TENM2: variants seen among roughly 807,000 people sequenced by gnomAD.
TENM2 encodes the protein teneurin-2.
TENM2 carries 52 observed loss-of-function variants against 245.2 expected under a neutral mutation model. The ratio of observed to expected loss-of-function variants is 0.21; its 90% confidence interval spans 0.17 to 0.27. TENM2 has a LOEUF of 0.27. Ranked by LOEUF, TENM2 falls within the 10% of genes least tolerant of loss-of-function variation. The pLI, the probability that TENM2 is intolerant of heterozygous loss-of-function variation, is 1.00. For synonymous variants in TENM2, 1,363 were observed against 1,438.9 expected (o/e 0.95, Z 1.19); for missense variants, 3,046 against 3,666.8 (o/e 0.83, Z 4.37).
chr5:167,337,009 G>C (rs1280776711), intron 1 of TENM2, among the ~76,000 whole-genome samples: 2 of 149,610 alleles, frequency 1.3e-5, no homozygotes, highest in South Asian at 4.2e-4. Flanking sequence ...CCCAGCTACT[G>C]GGGAGGCTGA....
chr5:167,405,784 A>ACACACACACACACACACG (rs1561929187), intron 2 of TENM2, among the ~76,000 whole-genome samples: 1 of 151,344 alleles, frequency 6.6e-6, no homozygotes, highest in Non-Finnish European at 1.5e-5. Context: ...ACACACACAC[A>ACACACACACACACACACG]CACACACACA....
At chr5:167,905,601 T>TA (rs1398342806) in intron 3 of TENM2, among the ~76,000 whole-genome samples, 3 of 152,204 alleles carry the variant, frequency 2.0e-5, no homozygotes, top group Admixed American at 2.0e-4. Flanking sequence ...TATAAGAATA[T>TA]ACCAGTGTGT....
At chr5:167,735,374 GA>G in intron 2 of TENM2, among the ~76,000 whole-genome samples, 1 of 152,200 alleles carries the variant, frequency 6.6e-6, no homozygotes, top group Non-Finnish European at 1.5e-5. Flanking sequence ...GTGAAAATCA[GA>G]AAGTTTGCTT....
chr5:168,182,048 C>T (rs1171950646), intron 13 of TENM2, among the ~76,000 whole-genome samples: 3 of 152,106 alleles, frequency 2.0e-5, no homozygotes, highest in African/African-American at 2.4e-5. Flanking sequence ...TGAGGAGCGA[C>T]GGTTCATCAG....
intron 1 of TENM2, among the ~76,000 whole-genome samples, chr5:167,366,038 G>C (rs1404770045): frequency 6.6e-6 from 1 of 151,854 alleles, no homozygotes; most frequent in African/African-American, 2.4e-5. Context: ...GGTAGAAATT[G>C]ATAAACTAAA....
At chr5:168,011,055 T>A (rs1240767623) in intron 5 of TENM2, among the ~76,000 whole-genome samples, 1 of 152,234 alleles carries the variant, frequency 6.6e-6, no homozygotes, top group Non-Finnish European at 1.5e-5. Context: ...TTGGCACAGA[T>A]TGATGAAATA....
the TENM2 span, among the ~76,000 whole-genome samples, chr5:167,169,089 T>C: frequency 6.6e-5 from 10 of 152,260 alleles, no homozygotes; most frequent in Admixed American, 3.9e-4. Flanking sequence ...AACAGTAAAT[T>C]AATCTTTGAA....
the TENM2 span, among the ~76,000 whole-genome samples, chr5:167,179,547 A>C: frequency 6.6e-6 from 1 of 152,138 alleles, no homozygotes; most frequent in Non-Finnish European, 1.5e-5. Context: ...TTAGTAAATA[A>C]GGCTTATTGG....
At chr5:167,522,946 G>A (rs1220482791) in intron 2 of TENM2, among the ~76,000 whole-genome samples, 1 of 151,088 alleles carries the variant, frequency 6.6e-6, no homozygotes, top group Non-Finnish European at 1.5e-5. Flanking sequence ...TCATTTTTTT[G>A]CAGTTCTGGA....
At chr5:168,204,263 C>G in intron 18 of TENM2, 109 bp from the exon 21 acceptor site, 4 of 1,217,416 alleles carry the variant, frequency 3.3e-6, no homozygotes, top group South Asian at 3.1e-5. Context: ...GAGAGCTCCC[C>G]GAGCACTGAA....
intron 2 of TENM2, among the ~76,000 whole-genome samples, chr5:167,672,364 C>T (rs937601459): frequency 6.6e-6 from 1 of 151,844 alleles, no homozygotes; most frequent in South Asian, 2.1e-4. Flanking sequence ...TGATTAGAAC[C>T]TGATTTAATA....
chr5:167,192,510 G>A, the TENM2 span, among the ~76,000 whole-genome samples: 2 of 152,034 alleles, frequency 1.3e-5, no homozygotes, highest in East Asian at 2.0e-4. Flanking sequence ...TACAGAACAG[G>A]GCAAGAGGGC....
intron 2 of TENM2, among the ~76,000 whole-genome samples, chr5:167,438,587 C>G (rs1483576572): frequency 4.6e-5 from 7 of 151,810 alleles, no homozygotes; most frequent in African/African-American, 1.5e-4. Context: ...TTAGTAGAGA[C>G]GGGGTTTCAC....
At chr5:167,965,305 T>C (rs976494174) in intron 4 of TENM2, 3 of 152,224 alleles carry the variant, frequency 2.0e-5, no homozygotes, top group Non-Finnish European at 2.9e-5. Flanking sequence ...AGTGCAGTTA[T>C]TGGCCAGACT....
intron 5 of TENM2, among the ~76,000 whole-genome samples, chr5:168,009,163 C>G (rs992748886): frequency 6.6e-6 from 1 of 152,156 alleles, no homozygotes; most frequent in African/African-American, 2.4e-5. Flanking sequence ...AGAAAACCAC[C>G]CTCCGGGACT....
intron 2 of TENM2, among the ~76,000 whole-genome samples, chr5:167,851,921 T>A (rs968082781): frequency 4.6e-5 from 7 of 152,228 alleles, no homozygotes; most frequent in Admixed American, 3.9e-4. Flanking sequence ...ATCCTATAAT[T>A]TTTTTAAAGG....
At chr5:167,655,337 C>T (rs564169340) in intron 2 of TENM2, among the ~76,000 whole-genome samples, 29 of 152,230 alleles carry the variant, frequency 1.9e-4, no homozygotes, top group Middle Eastern at 3.4e-3. Context: ...AAATTTTTGT[C>T]ATTGCATTAC....
At chr5:167,606,555 T>C (rs1777062999) in intron 2 of TENM2, among the ~76,000 whole-genome samples, 1 of 152,184 alleles carries the variant, frequency 6.6e-6, no homozygotes, top group African/African-American at 2.4e-5. Context: ...ATTGGAGGGC[T>C]AGGGCTTCAA....
At chr5:167,661,959 T>G (rs184985213) in intron 2 of TENM2, among the ~76,000 whole-genome samples, 28 of 152,330 alleles carry the variant, frequency 1.8e-4, no homozygotes, top group Admixed American at 1.6e-3. Flanking sequence ...CCTGGTCTTA[T>G]GCTTATGCTG....
Sources: gnomAD v4.1 joint callset for allele counts (sites outside exome capture counted in the v4.1 genomes callset) on GRCh38, gnomAD v4.1.1 for gene constraint, MANE v1.5 for transcripts, NCBI Gene and HGNC (gene_info 2026-07-23, HGNC 2026-07-21) for gene names.